The following CLEC16A variants were observed in gnomAD, a reference collection of about 807,000 sequenced individuals.
CLEC16A encodes the protein protein CLEC16A.
In CLEC16A, 51 loss-of-function variants were observed where a neutral mutation model predicts 109.5. That is an observed-to-expected ratio of 0.47 (90% CI 0.37 to 0.59). CLEC16A has a LOEUF of 0.59. Ranked by LOEUF, CLEC16A falls within the 20% of genes least tolerant of loss-of-function variation. The pLI, the probability that CLEC16A is intolerant of heterozygous loss-of-function variation, is 0.00. For missense variants in CLEC16A, 1,339 were observed against 1,394.0 expected (o/e 0.96, Z 0.63); for synonymous variants, 673 against 564.2 (o/e 1.19, Z -2.73).
chr16:11,179,978 C>G lies in CLEC16A; in HGVS notation c.*1288C>G, dbSNP rs200989739. ...CAGACACAGCACTCACAGCCCAGGC[C>G]GTGATCCACCCTCCCCAAGTCCACC... is the stretch of plus-strand genomic sequence containing the variant. On this transcript the variant is annotated 3_prime_UTR_variant, in exon 24 of 24. Transcript: ENST00000409790. The G allele has an allele frequency of 1.3e-5, 2 of 152,766 alleles. 1 individual carries two copies. The highest frequency in any genetic ancestry group is 4.1e-4 in the South Asian group (2 of 4,848). 9.5% of individuals were successfully genotyped at this position (152,766 alleles called of 1,614,324 possible).
intron 12 of CLEC16A, among the ~76,000 whole-genome samples, chr16:11,021,769 C>T (rs542159401): frequency 6.6e-6 from 1 of 152,306 alleles, no homozygotes; most frequent in Non-Finnish European, 1.5e-5. Context: ...TGCACTCCAG[C>T]CTGGGCAACA....
At position 11,050,138 on chromosome 16, in the gene CLEC16A, T is replaced by C. The variant is rs113230240; in HGVS notation, c.1867-1375T>C. On this transcript the variant is annotated intron_variant, in intron 17 of 23. Transcript: ENST00000409790. ...GCCTTCTTGCCACATCATCCCATGGTAGAATGCGAAAGGGCAAGACAGAGC... is the reference window on the plus strand; with the variant it reads ...GCCTTCTTGCCACATCATCCCATGGCAGAATGCGAAAGGGCAAGACAGAGC... 2.9e-3 allele frequency among the ~76,000 whole-genome samples: 447 copies of C among 152,306 alleles called. 1 individual carries two copies. The highest frequency in any genetic ancestry group is 0.01 in the African/African-American group (421 of 41,558).
chr16:11,042,705 A>G (rs1176990267), intron 15 of CLEC16A, among the ~76,000 whole-genome samples: 2 of 152,108 alleles, frequency 1.3e-5, no homozygotes, highest in African/African-American at 4.8e-5. Flanking sequence ...ACACACATTG[A>G]TTATGGTTTT....
chr16:11,076,006 C>A (rs1332584696), intron 19 of CLEC16A, among the ~76,000 whole-genome samples: 1 of 152,192 alleles, frequency 6.6e-6, no homozygotes, highest in Non-Finnish European at 1.5e-5. Context: ...CAAATCCTGC[C>A]AGCTTAAGCA....
intron 12 of CLEC16A, among the ~76,000 whole-genome samples, chr16:11,022,740 A>G (rs535282636): frequency 9.2e-5 from 14 of 152,010 alleles, no homozygotes; most frequent in African/African-American, 3.4e-4. Flanking sequence ...TCTACTAAAA[A>G]TACAAAAAAT....
chr16:10,982,888 T>TTA lies in CLEC16A; in HGVS notation c.971_972dup (p.His325TyrfsTer7). On this transcript the variant is annotated frameshift_variant, in exon 10 of 24. Coordinates refer to ENST00000409790, the MANE Select transcript of CLEC16A (RefSeq NM_015226.3). LOFTEE classifies it high-confidence loss of function. ...TTTTTTTTCCGCCAGGTCTTCTTAA[T>TTA]TATACATCATGCACCGCTGGTGAAC... The TTA allele has an allele frequency of 6.3e-7, 1 of 1,597,360 alleles. No individual in the cohort carries two copies. Among genetic ancestry groups the TTA allele is most frequent in the Non-Finnish European group, 8.6e-7 (1 of 1,164,884 alleles).
At chr16:11,015,490 A>G (rs898086726) in intron 11 of CLEC16A, among the ~76,000 whole-genome samples, 3 of 152,194 alleles carry the variant, frequency 2.0e-5, no homozygotes, top group African/African-American at 7.2e-5. Flanking sequence ...GTAGAATTCC[A>G]GAAAGGGGCC....
At chr16:10,965,579 C>T (rs1023288020) in intron 3 of CLEC16A, among the ~76,000 whole-genome samples, 6 of 152,192 alleles carry the variant, frequency 3.9e-5, no homozygotes, top group Non-Finnish European at 5.9e-5. Context: ...AACCTGACCA[C>T]GGGCATTTAG....
At chr16:10,957,365 G>C (rs1402846598) in intron 1 of CLEC16A, among the ~76,000 whole-genome samples, 1 of 152,262 alleles carries the variant, frequency 6.6e-6, no homozygotes, top group Non-Finnish European at 1.5e-5. Context: ...AGCCTGAGCT[G>C]TATGTCCCCA....
chr16:10,986,931 G>A (rs1050171213), intron 10 of CLEC16A, among the ~76,000 whole-genome samples: 1 of 151,696 alleles, frequency 6.6e-6, no homozygotes, highest in African/African-American at 2.4e-5. Context: ...TCGGCTCACT[G>A]CAACCTCTGT....
chr16:11,171,895 T>C (rs1286645098), intron 23 of CLEC16A, among the ~76,000 whole-genome samples: 1 of 150,856 alleles, frequency 6.6e-6, no homozygotes, highest in Non-Finnish European at 1.5e-5. Context: ...CACATACAAA[T>C]GTGCATACAT....
intron 13 of CLEC16A, chr16:11,027,848 C>T: frequency 1.5e-6 from 1 of 679,800 alleles, no homozygotes; most frequent in Non-Finnish European, 2.6e-6. Context: ...TATCAAGTGT[C>T]TTCAGAGAAG....
chr16:11,045,958 A>G lies in CLEC16A; in HGVS notation c.1816-1334A>G, dbSNP rs1001543663. Among the ~76,000 whole-genome samples the G allele has an allele frequency of 4.6e-5, 7 of 152,172 alleles. 1 individual carries two copies. In the East Asian group the frequency reaches 1.3e-3, roughly 29 times the overall value. On this transcript the variant is annotated intron_variant, in intron 16 of 23. Transcript: ENST00000409790. ...CAGCTGCAGCAGTGGACATACCCAGACAAGGGTGGCACCGTGGTGGGCCCC... is the reference window on the plus strand; with the variant it reads ...CAGCTGCAGCAGTGGACATACCCAGGCAAGGGTGGCACCGTGGTGGGCCCC...
intron 11 of CLEC16A, among the ~76,000 whole-genome samples, chr16:11,007,689 G>C (rs1377345693): frequency 6.6e-6 from 1 of 152,186 alleles, no homozygotes; most frequent in Non-Finnish European, 1.5e-5. Flanking sequence ...GTGGTTGCAT[G>C]ACCTCCACTT....
At chr16:10,951,504 A>G (rs35919309) in intron 1 of CLEC16A, among the ~76,000 whole-genome samples, 25,999 of 152,100 alleles carry the variant, frequency 0.17, 2,719 homozygotes, top group Middle Eastern at 0.24. Flanking sequence ...GGTTGTAATC[A>G]TGGGGTCTGG....
At chr16:11,029,596 C>T (rs1395935798) in intron 13 of CLEC16A, among the ~76,000 whole-genome samples, 2 of 152,182 alleles carry the variant, frequency 1.3e-5, no homozygotes, top group Non-Finnish European at 2.9e-5. Context: ...TCAGGGATCT[C>T]TCTCTTATGC....
rs529764712 is a variant in CLEC16A at position 11,159,135 on chromosome 16, A to G, written c.2642-7253A>G. On this transcript the variant is annotated intron_variant, in intron 22 of 23. Transcript: ENST00000409790. The stretch of plus-strand genomic sequence containing the variant: ...CAAACTGGAGACTGCGGCCATACTG[A>G]GGTCCATGTTCTCCTGCAGCAGCAG... Among the ~76,000 whole-genome samples, 2 of 152,330 alleles carry G rather than the reference A, an allele frequency of 1.3e-5. 1 individual carries two copies. The highest frequency in any genetic ancestry group is 4.1e-4 in the South Asian group (2 of 4,830).
intron 20 of CLEC16A, among the ~76,000 whole-genome samples, chr16:11,121,834 C>T (rs780976990): frequency 1.5e-5 from 2 of 130,762 alleles, no homozygotes; most frequent in Non-Finnish European, 3.1e-5. Context: ...GAGCTGAGAT[C>T]GTGCCACTGC....
At chr16:11,081,590 A>G (rs1217583423) in intron 19 of CLEC16A, among the ~76,000 whole-genome samples, 3 of 152,028 alleles carry the variant, frequency 2.0e-5, no homozygotes, top group Non-Finnish European at 2.9e-5. Context: ...CCACCTAGTC[A>G]CAAGGTACCC....
Sources: gnomAD v4.1 joint callset for allele counts (sites outside exome capture counted in the v4.1 genomes callset) on GRCh38, gnomAD v4.1.1 for gene constraint, MANE v1.5 for transcripts, NCBI Gene and HGNC (gene_info 2026-07-23, HGNC 2026-07-21) for gene names.